SLIT3: variants seen among roughly 807,000 people sequenced by gnomAD.
SLIT3 encodes the protein slit guidance ligand 3.
Under a neutral mutation model 184.0 loss-of-function variants are expected in SLIT3, and 68 were observed. The observed-to-expected ratio is 0.37, with a 90% CI of 0.30 to 0.45. The LOEUF is 0.45. Among genes scored for constraint, SLIT3 ranks in the 20% least tolerant of loss-of-function variants. The pLI is 1.00. For missense variants in SLIT3, 1,707 were observed against 2,026.0 expected (o/e 0.84, Z 3.02); for synonymous variants, 831 against 828.6 (o/e 1.00, Z -0.05).
intron 4 of SLIT3, among the ~76,000 whole-genome samples, chr5:168,889,008 T>C (rs1760333374): frequency 1.3e-5 from 2 of 152,320 alleles, no homozygotes; most frequent in South Asian, 4.1e-4. Flanking sequence ...TACATAAAGC[T>C]GCACTCTTTC....
rs542201319 is a variant in SLIT3, at chr5:168,903,262, C to T, written c.414-19926G>A. Among the ~76,000 whole-genome samples the T allele has an allele frequency of 5.3e-5, 8 of 152,328 alleles. No homozygotes were observed. In the East Asian group the frequency reaches 9.7e-4, roughly 18 times the overall value. On this transcript the variant is annotated intron_variant, in intron 4 of 35. Transcript: ENST00000519560. ...GGGATAAGCCGTGAGTCTCCACATACACATAGGGCTGGAGATGAAAAGACA... is the reference window on the plus strand; with the variant it reads ...GGGATAAGCCGTGAGTCTCCACATATACATAGGGCTGGAGATGAAAAGACA...
At chr5:168,722,898 A>G (rs752215716) in intron 22 of SLIT3, 35 bp downstream of exon 22, 7 of 1,522,488 alleles carry the variant, frequency 4.6e-6, no homozygotes, top group African/African-American at 1.4e-5. Context: ...GCTAGGCCCA[A>G]GGGCATGGTA....
At chr5:168,871,029 T>C (rs867131583) in intron 5 of SLIT3, among the ~76,000 whole-genome samples, 1 of 152,218 alleles carries the variant, frequency 6.6e-6, no homozygotes, top group African/African-American at 2.4e-5. Flanking sequence ...CTTAGAATGC[T>C]GGAGGTCAGA....
chr5:168,757,494 T>C (rs538958673), intron 16 of SLIT3, among the ~76,000 whole-genome samples: 66 of 152,276 alleles, frequency 4.3e-4, no homozygotes, highest in Non-Finnish European at 6.2e-4. Context: ...AGTGCAGTGG[T>C]GGGATCTCGG....
At chr5:169,068,883 A>G (rs909512762) in intron 4 of SLIT3, among the ~76,000 whole-genome samples, 1 of 152,324 alleles carries the variant, frequency 6.6e-6, no homozygotes, top group African/African-American at 2.4e-5. Context: ...ATCCCATAGG[A>G]AAAGTTTACC....
rs565895383 is a variant in SLIT3 at position 168,789,284 on chromosome 5, C to T, written c.1079+276G>A. 6.5e-3 allele frequency among the ~76,000 whole-genome samples: 975 copies of T among 150,652 alleles called. 18 individuals are homozygous for T. Among genetic ancestry groups the T allele is most frequent in the African/African-American group, 0.023 (915 of 40,608 alleles). On this transcript the variant is annotated intron_variant, in intron 11 of 35. Transcript: ENST00000519560. The stretch of plus-strand genomic sequence containing the variant: ...AGGGGGACGTGGGGTGGGAGGGGGA[C>T]GTGAGGTTGGAGTAGAAGATGCATT...
At position 168,661,741 on chromosome 5, in the gene SLIT3, G is replaced by A. The variant is rs1015223934; in HGVS notation, c.*4713C>T. The stretch of plus-strand genomic sequence containing the variant: ...AAAGCAGACACCGTGGAGCAGGGCT[G>A]AGTTATGGTAGTCATGAGAGCATCT... On this transcript the variant is annotated 3_prime_UTR_variant, in exon 36 of 36. Transcript: ENST00000519560. The A allele has an allele frequency of 6.6e-6, 1 of 152,202 alleles. No homozygotes were observed. The highest frequency in any genetic ancestry group is 2.4e-5 in the African/African-American group (1 of 41,442). 9.4% of individuals were successfully genotyped at this position (152,202 alleles called of 1,614,324 possible).
chr5:169,189,573 T>G (rs1763478510), intron 4 of SLIT3, among the ~76,000 whole-genome samples: 1 of 98,192 alleles, frequency 1.0e-5, no homozygotes, highest in Non-Finnish European at 2.0e-5. Flanking sequence ...TATATATATA[T>G]ATATATGCAG....
At position 168,871,916 on chromosome 5, in the gene SLIT3, T is replaced by C. The variant is rs998185170; in HGVS notation, c.485+11349A>G. Reference sequence around the variant, plus strand: ...CAGCCTGACTCCAGAGTCTGAGCACTTCACCATTATGTCAACCTCCTCAGA... The same window carrying C: ...CAGCCTGACTCCAGAGTCTGAGCACCTCACCATTATGTCAACCTCCTCAGA... On this transcript the variant is annotated intron_variant, in intron 5 of 35. Transcript: ENST00000519560. Among the ~76,000 whole-genome samples, 6 of 152,318 alleles carry C rather than the reference T, an allele frequency of 3.9e-5. No individual in the cohort carries two copies. The East Asian group carries it at 9.6e-4, about 24-fold the overall frequency.
At chr5:168,725,445 T>A (rs1374198067) in intron 20 of SLIT3, among the ~76,000 whole-genome samples, 1 of 152,232 alleles carries the variant, frequency 6.6e-6, no homozygotes, top group East Asian at 1.9e-4. Flanking sequence ...AGGACAAAGC[T>A]GAAGAACATT....
chr5:168,968,277 A>G (rs748256022), intron 4 of SLIT3, among the ~76,000 whole-genome samples: 2 of 152,056 alleles, frequency 1.3e-5, no homozygotes, highest in Non-Finnish European at 2.9e-5. Flanking sequence ...GGGTCTCCCA[A>G]CACAACGTGT....
chr5:168,762,484 C>T, intron 15 of SLIT3, 55 bp downstream of exon 15: 1 of 1,584,794 alleles, frequency 6.3e-7, no homozygotes, highest in Non-Finnish European at 8.6e-7. Flanking sequence ...CACGCTGGCT[C>T]CGGGTGACTG....
At chr5:169,225,254 G>A (rs1431272776) in intron 3 of SLIT3, among the ~76,000 whole-genome samples, 1 of 152,192 alleles carries the variant, frequency 6.6e-6, no homozygotes, top group Non-Finnish European at 1.5e-5. Context: ...ACTACTGGAA[G>A]TTTTTCTAGA....
At chr5:168,794,218 G>A (rs1756485384) in intron 10 of SLIT3, among the ~76,000 whole-genome samples, 1 of 152,210 alleles carries the variant, frequency 6.6e-6, no homozygotes, top group Non-Finnish European at 1.5e-5. Context: ...ATTTCTACCT[G>A]ACTCTCTCTT....
intron 4 of SLIT3, among the ~76,000 whole-genome samples, chr5:168,885,156 G>A (rs1484260193): frequency 6.6e-6 from 1 of 152,160 alleles, no homozygotes; most frequent in South Asian, 2.1e-4. Context: ...TAGCTAAAAC[G>A]AAACTTGACG....
intron 21 of SLIT3, 48 bp from the exon 22 acceptor site, chr5:168,723,052 T>A (rs1222267258): frequency 5.7e-6 from 8 of 1,397,398 alleles, no homozygotes; most frequent in Non-Finnish European, 7.1e-6. Context: ...TAGTTGCATC[T>A]GTAGGAGGCC....
chr5:169,029,430 C>T (rs75554693), intron 4 of SLIT3, among the ~76,000 whole-genome samples: 8,003 of 152,334 alleles, frequency 0.053, 281 homozygotes, highest in Non-Finnish European at 0.074. Context: ...CTCGGACCTA[C>T]TGCATCAGAG....
At chr5:168,802,338 A>AG (rs1166564335) in intron 9 of SLIT3, among the ~76,000 whole-genome samples, 2 of 152,070 alleles carry the variant, frequency 1.3e-5, no homozygotes, top group Non-Finnish European at 2.9e-5. Flanking sequence ...TGGAAGAAGC[A>AG]GGATCCCCCC....
intron 4 of SLIT3, among the ~76,000 whole-genome samples, chr5:169,033,389 G>A (rs755741496): frequency 2.0e-5 from 3 of 152,234 alleles, no homozygotes; most frequent in Admixed American, 6.5e-5. Context: ...CTGTCACAAC[G>A]CTGCAGTGAA....
Sources: allele counts gnomAD v4.1 joint callset (sites outside exome capture counted in the v4.1 genomes callset), GRCh38; gene constraint gnomAD v4.1.1; transcripts MANE v1.5; gene names NCBI Gene and HGNC (gene_info 2026-07-23, HGNC 2026-07-21).